Variants in MYPN observed in about 807,000 individuals in gnomAD.
The protein encoded by MYPN is sarcomeric protein myopalladin, 145 kDa (MYOP).
A neutral mutation model predicts 129.4 loss-of-function variants in MYPN; 63 were observed. That is an observed-to-expected ratio of 0.49 (90% CI 0.40 to 0.60). The LOEUF (loss-of-function observed/expected upper bound fraction) is 0.60. MYPN is among the 20% of genes least tolerant of loss of function. MYPN has a pLI of 0.00. For missense variants in MYPN, 1,596 were observed against 1,635.4 expected (o/e 0.98, Z 0.42); for synonymous variants, 629 against 600.9 (o/e 1.05, Z -0.68).
intron 18 of MYPN, among the ~76,000 whole-genome samples, chr10:68,204,812 G>A (rs906853569): frequency 1.3e-5 from 2 of 151,498 alleles, no homozygotes; most frequent in African/African-American, 4.8e-5. Context: ...AATCTGAGAG[G>A]AAGGGTCCCG....
chr10:68,182,238 ACATATATATAACACACATATATATAT>A (rs2043325449), intron 12 of MYPN, among the ~76,000 whole-genome samples: 2 of 81,136 alleles, frequency 2.5e-5, no homozygotes, highest in Non-Finnish European at 5.2e-5. Context: ...TATATATATA[ACATATATATAACACACATATATATAT>A]AACATATATA....
intron 2 of MYPN, among the ~76,000 whole-genome samples, chr10:68,140,661 A>C (rs16925142): frequency 0.12 from 18,714 of 152,174 alleles, 1,518 homozygotes; most frequent in African/African-American, 0.22. Flanking sequence ...CTCAGACAGA[A>C]AAAACATGGG....
intron 12 of MYPN, among the ~76,000 whole-genome samples, chr10:68,181,481 G>C (rs1005524141): frequency 6.6e-5 from 10 of 151,742 alleles, no homozygotes; most frequent in African/African-American, 2.4e-4. Context: ...GTAGAGATGG[G>C]GTTTCACCAT....
intron 2 of MYPN, among the ~76,000 whole-genome samples, chr10:68,130,397 T>G (rs2042391587): frequency 6.6e-6 from 1 of 151,466 alleles, no homozygotes; most frequent in African/African-American, 2.4e-5. Flanking sequence ...GAGATGGAGG[T>G]TACAGTGAGC....
intron 10 of MYPN, among the ~76,000 whole-genome samples, chr10:68,173,218 C>G (rs147870503): frequency 1.3e-5 from 2 of 152,152 alleles, no homozygotes; most frequent in African/African-American, 4.8e-5. Flanking sequence ...GAGACACATC[C>G]GGCTTCTTTG....
chr10:68,151,440 G>A (rs909837122), intron 6 of MYPN, among the ~76,000 whole-genome samples: 4 of 152,208 alleles, frequency 2.6e-5, no homozygotes. Context: ...AAGTAGGAGA[G>A]CAACATGTTG....
intron 12 of MYPN, among the ~76,000 whole-genome samples, chr10:68,179,794 G>T (rs2043286189): frequency 6.6e-6 from 1 of 152,064 alleles, no homozygotes; most frequent in African/African-American, 2.4e-5. Context: ...ACCCCCAGTG[G>T]CTGGGTCTAC....
rs2042167539 is a variant in MYPN, at chr10:68,117,035, T to C, written c.-1-4403T>C. Reference sequence around the variant, plus strand: ...AGGAGTTCAAGACCATCCAGACTGATCAACATGGTGAAACCCTGTCTCTAC... The same window carrying C: ...AGGAGTTCAAGACCATCCAGACTGACCAACATGGTGAAACCCTGTCTCTAC... On this transcript the variant is annotated intron_variant, in intron 1 of 19. Transcript: ENST00000358913. Among the ~76,000 whole-genome samples the C allele has an allele frequency of 2.6e-5, 4 of 151,750 alleles. No homozygotes were observed. In the South Asian group the frequency reaches 8.3e-4, roughly 32 times the overall value.
At chr10:68,094,829 A>C (rs1026842229) in intron 1 of MYPN, among the ~76,000 whole-genome samples, 1 of 152,152 alleles carries the variant, frequency 6.6e-6, no homozygotes, top group Non-Finnish European at 1.5e-5. Flanking sequence ...TGGGAGGCCA[A>C]GGTGGGCAGA....
At chr10:68,130,244 G>C (rs534211958) in intron 2 of MYPN, among the ~76,000 whole-genome samples, 1 of 152,312 alleles carries the variant, frequency 6.6e-6, no homozygotes, top group South Asian at 2.1e-4. Flanking sequence ...CGGATCACCT[G>C]AGGTCAGGAG....
At chr10:68,127,319 CTTTTTT>C (rs71470508) in intron 2 of MYPN, among the ~76,000 whole-genome samples, 2 of 72,574 alleles carry the variant, frequency 2.8e-5, no homozygotes, top group South Asian at 6.3e-4. Flanking sequence ...ACACATATAT[CTTTTTT>C]TTTTTTTTTT....
intron 2 of MYPN, among the ~76,000 whole-genome samples, chr10:68,141,060 C>T (rs1211446878): frequency 1.3e-5 from 2 of 151,206 alleles, no homozygotes; most frequent in Admixed American, 1.3e-4. Context: ...CAGAGTGAGA[C>T]CCTTCCTCCA....
chr10:68,139,462 T>C (rs1227982437), intron 2 of MYPN, among the ~76,000 whole-genome samples: 1 of 152,164 alleles, frequency 6.6e-6, no homozygotes, highest in East Asian at 1.9e-4. Flanking sequence ...GTCTCTATGG[T>C]TTTGTACCTT....
rs762817420 is a variant in MYPN, at chr10:68,210,495, G to A, written c.*40G>A. ...CTGCTGTGTAAGAGAGCGGACTGTG[G>A]AGGGGGAATGAGAACAAGCCAGACT... On this transcript the variant is annotated 3_prime_UTR_variant, in exon 20 of 20. Coordinates refer to ENST00000358913, the MANE Select transcript of MYPN (RefSeq NM_032578.4). The A allele has an allele frequency of 6.2e-7, 1 of 1,610,556 alleles. No individual in the cohort carries two copies. Among genetic ancestry groups the A allele is most frequent in the South Asian group, 1.1e-5 (1 of 90,944 alleles).
In MYPN at chr10:68,198,976, G is replaced by T. The variant is rs548125223; in HGVS notation, c.3286-392G>T. 2.5e-3 allele frequency among the ~76,000 whole-genome samples: 380 copies of T among 150,812 alleles called. 3 individuals are homozygous for T. The Middle Eastern group carries it at 0.041, about 16-fold the overall frequency. Reference sequence around the variant, plus strand: ...CCTGCGTGTTCTGCACATGTATCCTGTGTTTTTCTTGTTTTCGTTTTTTTT... The same window carrying T: ...CCTGCGTGTTCTGCACATGTATCCTTTGTTTTTCTTGTTTTCGTTTTTTTT... On this transcript the variant is annotated intron_variant, in intron 16 of 19. Coordinates refer to ENST00000358913, the MANE Select transcript of MYPN (RefSeq NM_032578.4).
chr10:68,136,550 G>A lies in MYPN; in HGVS notation c.903-6390G>A, dbSNP rs2042489900. 3 of 1,430,642 alleles carry A rather than the reference G, an allele frequency of 2.1e-6. No homozygotes were observed. The East Asian group carries it at 7.7e-5, about 37-fold the overall frequency. 88.6% of individuals were successfully genotyped at this position (1,430,642 alleles called of 1,614,324 possible). ...AGCCTGATCCCTGCCTAATTTCTAA[G>A]TGGGTCATGCTGTTAAAGTCAGAGT... On this transcript the variant is annotated intron_variant, in intron 2 of 19. Coordinates refer to ENST00000358913, the MANE Select transcript of MYPN (RefSeq NM_032578.4).
intron 7 of MYPN, among the ~76,000 whole-genome samples, chr10:68,160,262 AAACAAAAAAAAC>A (rs2042951317): frequency 6.6e-6 from 1 of 151,452 alleles, no homozygotes; most frequent in Non-Finnish European, 1.5e-5. Context: ...AAAACAACAA[AAACAAAAAAAAC>A]CAAAAACTCA....
chr10:68,129,662 T>A (rs2042379727), intron 2 of MYPN, among the ~76,000 whole-genome samples: 1 of 152,228 alleles, frequency 6.6e-6, no homozygotes, highest in Non-Finnish European at 1.5e-5. Context: ...TCCAAAGGAA[T>A]TGTTTTGATT....
Position 68,158,458 on chromosome 10 carries a change from T to G in MYPN, c.1318-28T>G, listed in dbSNP as rs773633935. Reference sequence around the variant, plus strand: ...ATTACAAAAATGTGTACTTTTTTGTTCTAACTACATTCTTCTTATCATTAT... The same window carrying G: ...ATTACAAAAATGTGTACTTTTTTGTGCTAACTACATTCTTCTTATCATTAT... On this transcript the variant is annotated intron_variant, in intron 6 of 19. Coordinates refer to ENST00000358913, the MANE Select transcript of MYPN (RefSeq NM_032578.4). 11 of 1,607,972 alleles carry G rather than the reference T, an allele frequency of 6.8e-6. No individual in the cohort carries two copies. The South Asian group carries it at 1.2e-4, about 18-fold the overall frequency.
Sources: allele counts gnomAD v4.1 joint callset (sites outside exome capture counted in the v4.1 genomes callset), GRCh38; gene constraint gnomAD v4.1.1; transcripts MANE v1.5; gene names NCBI Gene and HGNC (gene_info 2026-07-23, HGNC 2026-07-21).